Variants in JMJD1C observed in about 807,000 individuals in gnomAD.
JMJD1C encodes jumonji domain-containing protein 1C.
In JMJD1C, 31 loss-of-function variants were observed where a neutral mutation model predicts 245.3. The ratio of observed to expected loss-of-function variants is 0.13; its 90% confidence interval spans 0.09 to 0.17. The LOEUF (loss-of-function observed/expected upper bound fraction) is 0.17, where lower values mean the gene tolerates loss of function less well. JMJD1C is among the 10% of genes least tolerant of loss of function. The pLI is 1.00. For synonymous variants in JMJD1C, 1,057 were observed against 1,017.4 expected (o/e 1.04, Z -0.74); for missense variants, 2,691 against 3,000.2 (o/e 0.90, Z 2.41).
At chr10:63,264,483 A>C (rs901817724) in intron 3 of JMJD1C, among the ~76,000 whole-genome samples, 168 bp downstream of exon 3, 4 of 152,194 alleles carry the variant, frequency 2.6e-5, no homozygotes, top group Admixed American at 2.0e-4. Flanking sequence ...AATTGAATTA[A>C]TAAATCGTTT....
At chr10:63,421,702 G>A (rs1323500526) in intron 1 of JMJD1C, among the ~76,000 whole-genome samples, 1 of 152,200 alleles carries the variant, frequency 6.6e-6, no homozygotes, top group East Asian at 1.9e-4. Context: ...TCATATGGGT[G>A]AGACCCTGAA....
intron 1 of JMJD1C, among the ~76,000 whole-genome samples, chr10:63,471,370 G>A (rs1255622128): frequency 6.6e-6 from 1 of 152,132 alleles, no homozygotes. Context: ...CTCCATCTAT[G>A]TTCTTCCTCA....
At chr10:63,488,964 C>G (rs1954083113) in intron 1 of JMJD1C, among the ~76,000 whole-genome samples, 1 of 152,158 alleles carries the variant, frequency 6.6e-6, no homozygotes, top group African/African-American at 2.4e-5. Context: ...GGACGATGGT[C>G]CCATAAGATT....
intron 2 of JMJD1C, among the ~76,000 whole-genome samples, chr10:63,375,263 T>C (rs1183331918): frequency 1.4e-5 from 2 of 146,080 alleles, no homozygotes; most frequent in African/African-American, 5.0e-5. Flanking sequence ...CATAGCTCAC[T>C]GCAGCCTTGA....
intron 2 of JMJD1C, among the ~76,000 whole-genome samples, chr10:63,374,591 A>C (rs368053801): frequency 5.9e-5 from 9 of 152,186 alleles, no homozygotes; most frequent in African/African-American, 2.2e-4. Context: ...TAATTCTACT[A>C]CTATGAATAT....
chr10:63,386,588 T>G (rs1947610064), intron 1 of JMJD1C, among the ~76,000 whole-genome samples: 1 of 152,112 alleles, frequency 6.6e-6, no homozygotes, highest in African/African-American at 2.4e-5. Flanking sequence ...GAGCACTTTT[T>G]CCAGGGGCCA....
chr10:63,334,721 T>C (rs907702185), intron 2 of JMJD1C, among the ~76,000 whole-genome samples: 1 of 151,772 alleles, frequency 6.6e-6, no homozygotes, highest in Non-Finnish European at 1.5e-5. Flanking sequence ...ACTGTGTCTT[T>C]TGAGACACAG....
intron 1 of JMJD1C, among the ~76,000 whole-genome samples, chr10:63,491,339 T>C (rs1954170349): frequency 6.6e-6 from 1 of 152,168 alleles, no homozygotes; most frequent in Admixed American, 6.5e-5. Context: ...TGGGGTATCT[T>C]AATATTTACA....
intron 2 of JMJD1C, among the ~76,000 whole-genome samples, chr10:63,343,069 T>A (rs747112788): frequency 1.3e-5 from 2 of 152,070 alleles, no homozygotes; most frequent in African/African-American, 4.8e-5. Flanking sequence ...ATTAAAAAAA[T>A]AACTGATTTT....
At chr10:63,319,004 T>A (rs1198645920) in intron 2 of JMJD1C, among the ~76,000 whole-genome samples, 6 of 152,036 alleles carry the variant, frequency 3.9e-5, no homozygotes, top group Admixed American at 2.6e-4. Context: ...CCTTAAAAAA[T>A]GCTCCCAGCA....
intron 3 of JMJD1C, among the ~76,000 whole-genome samples, chr10:63,237,051 T>C (rs950034820): frequency 6.6e-6 from 1 of 152,150 alleles, no homozygotes; most frequent in Non-Finnish European, 1.5e-5. Context: ...TTTTGTTTTG[T>C]TTTTTTAAGA....
At position 63,193,152 on chromosome 10, in the gene JMJD1C, C is replaced by G; in HGVS notation, c.5863-1G>C. 6.2e-7 allele frequency: 1 copy of G among 1,607,342 alleles called. No homozygotes were observed. Among genetic ancestry groups the G allele is most frequent in the Admixed American group, 1.7e-5 (1 of 60,006 alleles). On this transcript the variant is annotated splice_acceptor_variant, in intron 15 of 25. Transcript: ENST00000399262. LOFTEE classifies it high-confidence loss of function. ...TGTGATTAAGAACATTCTGTAAAAC[C>G]TACAAAGGTAGAACAATTACATTTT... is the stretch of plus-strand genomic sequence containing the variant.
chr10:63,314,956 GTT>G (rs71025156), intron 2 of JMJD1C, among the ~76,000 whole-genome samples: 2 of 133,456 alleles, frequency 1.5e-5, no homozygotes. Flanking sequence ...AGCCTTTTTT[GTT>G]TTTTTTTTTT....
intron 1 of JMJD1C, among the ~76,000 whole-genome samples, chr10:63,462,599 C>G (rs7896575): frequency 0.99 from 150,055 of 152,312 alleles, 73,948 homozygotes; most frequent in Middle Eastern, 1. Flanking sequence ...AGGGCACTTA[C>G]AAGTGTAATG....
At chr10:63,206,544 C>T in intron 10 of JMJD1C, 51 bp downstream of exon 10, 2 of 1,420,986 alleles carry the variant, frequency 1.4e-6, no homozygotes, top group Non-Finnish European at 1.9e-6. Context: ...ACTAGTATAG[C>T]TAAAACATTC....
At chr10:63,473,326 A>G (rs983721682) in intron 1 of JMJD1C, among the ~76,000 whole-genome samples, 5 of 151,890 alleles carry the variant, frequency 3.3e-5, no homozygotes, top group African/African-American at 1.2e-4. Flanking sequence ...GCTCACTGCA[A>G]CCTCTGCCTC....
At chr10:63,322,708 C>T (rs537596947) in intron 2 of JMJD1C, among the ~76,000 whole-genome samples, 4 of 142,466 alleles carry the variant, frequency 2.8e-5, no homozygotes, top group East Asian at 4.1e-4. Flanking sequence ...GAGGCTGAGG[C>T]AGGAGAACTG....
chr10:63,454,257 A>AT (rs112838462), intron 1 of JMJD1C, among the ~76,000 whole-genome samples: 28,667 of 145,990 alleles, frequency 0.2, 3,710 homozygotes, highest in East Asian at 0.58. Flanking sequence ...GGAGAAATTG[A>AT]TTTTTTTTTT....
chr10:63,336,615 T>A (rs1037041496), intron 2 of JMJD1C, among the ~76,000 whole-genome samples: 1 of 152,130 alleles, frequency 6.6e-6, no homozygotes, highest in African/African-American at 2.4e-5. Flanking sequence ...AGATAGTTAA[T>A]CTAAAAAACA....
Sources: gnomAD v4.1 joint callset for allele counts (sites outside exome capture counted in the v4.1 genomes callset) on GRCh38, gnomAD v4.1.1 for gene constraint, MANE v1.5 for transcripts, NCBI Gene and HGNC (gene_info 2026-07-23, HGNC 2026-07-21) for gene names.